AKAP7: variants seen among roughly 807,000 people sequenced by gnomAD.
AKAP7 encodes A-kinase anchoring protein 7, also known as A kinase (PRKA) anchor protein 7.
In AKAP7, 39 loss-of-function variants were observed where a neutral mutation model predicts 39.5. That is an observed-to-expected ratio of 0.99 (90% confidence interval 0.76 to 1.29). The LOEUF (loss-of-function observed/expected upper bound fraction) is 1.29. AKAP7 is among the 50% of genes most tolerant of loss of function. The pLI, the probability that AKAP7 is intolerant of heterozygous loss-of-function variation, is 0.00. For synonymous variants in AKAP7, 140 were observed against 139.1 expected, an observed-to-expected ratio of 1.01 and a Z score of -0.05; for missense variants, 414 against 407.7, an observed-to-expected ratio of 1.02 and a Z score of -0.13.
chr6:131,237,170 G>T (rs1333771399), intron 7 of AKAP7, among the ~76,000 whole-genome samples: 2 of 152,102 alleles, frequency 1.3e-5, no homozygotes, highest in East Asian at 1.9e-4. Flanking sequence ...TAATCATGTG[G>T]TTTTTGTCGT....
chr6:131,236,885 A>G (rs1811117231), intron 7 of AKAP7, among the ~76,000 whole-genome samples: 1 of 152,174 alleles, frequency 6.6e-6, no homozygotes, highest in Non-Finnish European at 1.5e-5. Flanking sequence ...TTCCTAATTG[A>G]ATACCCTTTA....
intron 4 of AKAP7, among the ~76,000 whole-genome samples, chr6:131,165,620 G>T (rs1454723934): frequency 6.6e-6 from 1 of 152,128 alleles, no homozygotes. Context: ...AGAGCTCTTT[G>T]CCTGGGGCCT....
intron 7 of AKAP7, among the ~76,000 whole-genome samples, chr6:131,273,499 C>A (rs921520197): frequency 1.3e-5 from 2 of 151,764 alleles, no homozygotes; most frequent in Non-Finnish European, 2.9e-5. Context: ...TTTGTTTTTA[C>A]GTTAGTGGTT....
intron 7 of AKAP7, among the ~76,000 whole-genome samples, chr6:131,266,919 G>T (rs1813848332): frequency 6.6e-6 from 1 of 152,114 alleles, no homozygotes; most frequent in Non-Finnish European, 1.5e-5. Flanking sequence ...TCACAAGCAA[G>T]ATGTACTGAC....
At chr6:131,258,340 T>TA (rs1464204070) in intron 7 of AKAP7, among the ~76,000 whole-genome samples, 1 of 152,290 alleles carries the variant, frequency 6.6e-6, no homozygotes, top group East Asian at 1.9e-4. Flanking sequence ...GCCTTGAACG[T>TA]AAAAAGCCAA....
intron 7 of AKAP7, among the ~76,000 whole-genome samples, chr6:131,227,576 C>A (rs1252977841): frequency 6.6e-6 from 1 of 152,156 alleles, no homozygotes; most frequent in Non-Finnish European, 1.5e-5. Context: ...TAATTAATTT[C>A]AGACTGTAGC....
At chr6:131,189,828 A>G (rs1432165929) in intron 5 of AKAP7, among the ~76,000 whole-genome samples, 1 of 152,184 alleles carries the variant, frequency 6.6e-6, no homozygotes, top group Non-Finnish European at 1.5e-5. Context: ...GTTATAAGTT[A>G]TATTATTTAG....
At chr6:131,174,600 G>T (rs937212599) in intron 5 of AKAP7, among the ~76,000 whole-genome samples, 1 of 152,192 alleles carries the variant, frequency 6.6e-6, no homozygotes, top group African/African-American at 2.4e-5. Context: ...CTCAAAAAAA[G>T]AATGCCTTAG....
At chr6:131,260,421 A>G (rs1000923502) in intron 7 of AKAP7, among the ~76,000 whole-genome samples, 3 of 152,194 alleles carry the variant, frequency 2.0e-5, no homozygotes, top group Non-Finnish European at 2.9e-5. Context: ...ATTCCCACCA[A>G]CAGTGTAAAA....
intron 5 of AKAP7, among the ~76,000 whole-genome samples, chr6:131,183,691 C>G (rs989854957): frequency 6.6e-6 from 1 of 152,156 alleles, no homozygotes; most frequent in Non-Finnish European, 1.5e-5. Context: ...GGTGAAGCTG[C>G]TGCTCCCCCT....
intron 7 of AKAP7, among the ~76,000 whole-genome samples, chr6:131,231,306 A>G (rs926926661): frequency 1.3e-5 from 2 of 152,120 alleles, no homozygotes; most frequent in African/African-American, 4.8e-5. Flanking sequence ...TGTGAAATAG[A>G]TATTATGTAA....
At chr6:131,213,081 G>T (rs919576063) in intron 6 of AKAP7, among the ~76,000 whole-genome samples, 1 of 152,164 alleles carries the variant, frequency 6.6e-6, no homozygotes, top group Non-Finnish European at 1.5e-5. Context: ...GAGGTGAGTG[G>T]TTCCATACTT....
At chr6:131,199,287 T>C (rs1406908860) in intron 5 of AKAP7, among the ~76,000 whole-genome samples, 174 bp from the exon 6 acceptor site, 3 of 152,250 alleles carry the variant, frequency 2.0e-5, no homozygotes, top group African/African-American at 7.2e-5. Flanking sequence ...GCATTTGTTA[T>C]CATACACATT....
chr6:131,147,032 A>C lies in AKAP7; in HGVS notation c.151+1616A>C, dbSNP rs528424258. Reference sequence around the variant, plus strand: ...TGAGGATGTGTTCAGGGAGGCATCTAACCTGGGTGTGGGAGGAGAGGGTGT... The same window carrying C: ...TGAGGATGTGTTCAGGGAGGCATCTCACCTGGGTGTGGGAGGAGAGGGTGT... On this transcript the variant is annotated intron_variant, in intron 2 of 7. Coordinates refer to ENST00000431975, the MANE Select transcript of AKAP7 (RefSeq NM_016377.4). Among the ~76,000 whole-genome samples, 23 of 152,258 alleles carry C rather than the reference A, an allele frequency of 1.5e-4. No individual in the cohort carries two copies. In the South Asian group the frequency reaches 4.8e-3, roughly 32 times the overall value.
chr6:131,188,566 A>G (rs1406774826), intron 5 of AKAP7, among the ~76,000 whole-genome samples: 2 of 152,106 alleles, frequency 1.3e-5, no homozygotes, highest in Admixed American at 6.6e-5. Context: ...AAGACCGTGT[A>G]TCACTCTGTC....
chr6:131,154,887 G>A (rs924757113), intron 2 of AKAP7, among the ~76,000 whole-genome samples: 1 of 152,058 alleles, frequency 6.6e-6, no homozygotes, highest in Non-Finnish European at 1.5e-5. Flanking sequence ...TATTGTTGAA[G>A]AAATCAGGTT....
chr6:131,269,145 C>G (rs1239943961), intron 7 of AKAP7, among the ~76,000 whole-genome samples: 1 of 152,118 alleles, frequency 6.6e-6, no homozygotes, highest in African/African-American at 2.4e-5. Flanking sequence ...TCATTGCAAC[C>G]TTCGCCTCCT....
chr6:131,268,210 T>G (rs1813972049), intron 7 of AKAP7, among the ~76,000 whole-genome samples: 1 of 152,178 alleles, frequency 6.6e-6, no homozygotes, highest in South Asian at 2.1e-4. Flanking sequence ...TACCTTCACT[T>G]TCCCAGGATG....
At chr6:131,228,192 C>T (rs554972408) in intron 7 of AKAP7, among the ~76,000 whole-genome samples, 3 of 152,002 alleles carry the variant, frequency 2.0e-5, no homozygotes, top group Non-Finnish European at 4.4e-5. Context: ...TGCAGGAAGG[C>T]GTAGGAGGAG....
Sources: allele counts gnomAD v4.1 joint callset (sites outside exome capture counted in the v4.1 genomes callset), GRCh38; gene constraint gnomAD v4.1.1; transcripts MANE v1.5; gene names NCBI Gene and HGNC (gene_info 2026-07-23, HGNC 2026-07-21).